HIVEP2: variants seen among roughly 807,000 people sequenced by gnomAD.
The protein encoded by HIVEP2 is transcription factor HIVEP2.
A neutral mutation model predicts 180.7 loss-of-function variants in HIVEP2; 14 were observed. The observed-to-expected ratio is 0.08, with a 90% confidence interval of 0.05 to 0.12. HIVEP2 has a LOEUF of 0.12. HIVEP2 is among the 10% of genes least tolerant of loss of function. HIVEP2 has a pLI of 1.00. For synonymous variants in HIVEP2, 1,184 were observed against 1,136.4 expected, an observed-to-expected ratio of 1.04 and a Z score of -0.84; for missense variants, 2,579 against 3,008.5, an observed-to-expected ratio of 0.86 and a Z score of 3.34.
chr6:142,775,849 A>G (rs907935980), intron 4 of HIVEP2, among the ~76,000 whole-genome samples: 2 of 151,100 alleles, frequency 1.3e-5, no homozygotes, highest in Admixed American at 1.3e-4. Flanking sequence ...AAAACCATAT[A>G]TATAGTTACA....
At chr6:142,757,431 C>T (rs1775104796) in intron 9 of HIVEP2, among the ~76,000 whole-genome samples, 2 of 152,138 alleles carry the variant, frequency 1.3e-5, no homozygotes, top group South Asian at 4.1e-4. Flanking sequence ...GAGGCCGAGG[C>T]AGGCGGATCA....
chr6:142,897,127 A>C (rs1777018334), intron 1 of HIVEP2, among the ~76,000 whole-genome samples: 1 of 150,638 alleles, frequency 6.6e-6, no homozygotes, highest in African/African-American at 2.5e-5. Flanking sequence ...TACAACAGCC[A>C]AAAAAAATAG....
At position 142,842,200 on chromosome 6, in the gene HIVEP2, A is replaced by G. The variant is rs1240879588; in HGVS notation, c.-640-5153T>C. On this transcript the variant is annotated intron_variant, in intron 1 of 9. Transcript: ENST00000367603. The stretch of plus-strand genomic sequence containing the variant: ...CCCACCATTGTCTCTTATTTCTGCT[A>G]TCTGTGAAACAGTTCTGAGTTCAAA... Among the ~76,000 whole-genome samples the G allele has an allele frequency of 2.6e-5, 4 of 152,176 alleles. No individual in the cohort carries two copies. In the East Asian group the frequency reaches 7.7e-4, roughly 29 times the overall value.
chr6:142,828,321 C>T (rs1015362256), intron 2 of HIVEP2, among the ~76,000 whole-genome samples: 2 of 152,144 alleles, frequency 1.3e-5, no homozygotes, highest in East Asian at 3.9e-4. Context: ...AAGTGTTTTC[C>T]CCCAATAAAC....
chr6:142,927,379 G>T (rs764558417), intron 1 of HIVEP2, among the ~76,000 whole-genome samples: 1 of 152,158 alleles, frequency 6.6e-6, no homozygotes, highest in Non-Finnish European at 1.5e-5. Context: ...CGTAAGTGTT[G>T]TTGCAGTTGT....
intron 2 of HIVEP2, among the ~76,000 whole-genome samples, chr6:142,806,268 T>TA (rs1393324205): frequency 6.6e-6 from 1 of 152,170 alleles, no homozygotes; most frequent in Non-Finnish European, 1.5e-5. Flanking sequence ...CCATAAATGA[T>TA]AGAGTGGAAA....
At position 142,769,684 on chromosome 6, in the gene HIVEP2, C is replaced by T; in HGVS notation, c.5055G>A (p.Leu1685=). The change falls in exon 5 of 10, where the codon TTG becomes TTA. Residue 1685 remains leucine, a synonymous_variant. Coordinates refer to ENST00000367603, the MANE Select transcript of HIVEP2 (RefSeq NM_006734.4). The part of the protein sequence containing the change: ...ISSCNPNPSG[L]NTKTTLALLR... ...GAAGAGCCAGCGTGGTCTTGGTGTT[C>T]AATCCTGATGGGTTTGGATTACAGG... is the stretch of plus-strand genomic sequence containing the variant. 1 of 1,614,150 alleles carries T rather than the reference C, an allele frequency of 6.2e-7. No homozygotes were observed. The highest frequency in any genetic ancestry group is 8.5e-7 in the Non-Finnish European group (1 of 1,180,030).
chr6:142,808,385 G>T (rs190957463), intron 2 of HIVEP2, among the ~76,000 whole-genome samples: 2 of 149,074 alleles, frequency 1.3e-5, no homozygotes, highest in Admixed American at 1.3e-4. Flanking sequence ...GGCAGGGATG[G>T]ATGGAAGGAG....
intron 1 of HIVEP2, among the ~76,000 whole-genome samples, chr6:142,859,874 G>GA (rs907411167): frequency 3.0e-5 from 4 of 132,946 alleles, no homozygotes; most frequent in Non-Finnish European, 6.6e-5. Flanking sequence ...GAAAGAAAAA[G>GA]AAAAAAAAGA....
At chr6:142,897,041 A>G (rs191737123) in intron 1 of HIVEP2, among the ~76,000 whole-genome samples, 1 of 152,320 alleles carries the variant, frequency 6.6e-6, no homozygotes, top group East Asian at 1.9e-4. Flanking sequence ...TTGTTTCAAT[A>G]TTGATGCTGA....
Position 142,861,673 on chromosome 6 carries a change from G to A in HIVEP2, c.-640-24626C>T, listed in dbSNP as rs966307760. Among the ~76,000 whole-genome samples the A allele has an allele frequency of 3.3e-5, 5 of 152,208 alleles. No individual in the cohort carries two copies. The South Asian group carries it at 6.2e-4, about 19-fold the overall frequency. On this transcript the variant is annotated intron_variant, in intron 1 of 9. Transcript: ENST00000367603. ...TTTCTTTCCAAATCATCAAGTAAAT[G>A]CCCTTAAAATTTGCCCTCTCCCTCC...
At chr6:142,793,656 C>CTTTCTTTCTTTCCTTCTTTCTTTT (rs1269273663) in intron 2 of HIVEP2, among the ~76,000 whole-genome samples, 1 of 77,334 alleles carries the variant, frequency 1.3e-5, no homozygotes, top group Admixed American at 1.6e-4. Context: ...TTCTTTCTTT[C>CTTTCTTTCTTTCCTTCTTTCTTTT]TTTTTTCTTT....
At chr6:142,824,008 T>C (rs2114840703) in intron 2 of HIVEP2, among the ~76,000 whole-genome samples, 1 of 152,326 alleles carries the variant, frequency 6.6e-6, no homozygotes, top group Admixed American at 6.5e-5. Context: ...AATAGCTTAA[T>C]TTAAAACATT....
chr6:142,944,431 A>C lies in HIVEP2; in HGVS notation c.-641+668T>G, dbSNP rs563296772. 5.2e-3 allele frequency among the ~76,000 whole-genome samples: 708 copies of C among 136,826 alleles called. 2 individuals are homozygous for C. Among genetic ancestry groups the C allele is most frequent in the Middle Eastern group, 7.1e-3 (2 of 280 alleles). The allele number at this position is 136,826 out of a possible 152,430, so 89.8% of individuals were successfully genotyped here. ...AGCACCCCCTCCCCCACACACCCAC[A>C]CACACACACACACACGCACACACCC... is the stretch of plus-strand genomic sequence containing the variant. On this transcript the variant is annotated intron_variant, in intron 1 of 9. Transcript: ENST00000367603.
At chr6:142,794,445 T>C (rs1776233117) in intron 2 of HIVEP2, among the ~76,000 whole-genome samples, 1 of 152,220 alleles carries the variant, frequency 6.6e-6, no homozygotes. Context: ...TCTCTGAATA[T>C]GTGCCTTTTC....
rs755030077 is a variant in HIVEP2 at position 142,771,535 on chromosome 6, C to G, written c.3204G>C (p.Thr1068=). ...TCTTCCTCTCCCTGGACGGTGATAC[C>G]GTGGAGGCTGCTGCTCCCGACACAG... The part of the protein sequence containing the change: ...HAPVSGAAAS[T]VSPSRERKKC... The change falls in exon 5 of 10, where the codon ACG becomes ACC. Residue 1068 remains threonine (T), a synonymous_variant. Coordinates refer to ENST00000367603, the MANE Select transcript of HIVEP2 (RefSeq NM_006734.4). The surrounding 1 kb of genome is among the most constrained non-coding windows in gnomAD (Gnocchi z 5.4). 10 of 1,613,772 alleles carry G rather than the reference C, an allele frequency of 6.2e-6. No homozygotes were observed. Among genetic ancestry groups the G allele is most frequent in the East Asian group, 2.2e-5 (1 of 44,896 alleles).
chr6:142,838,776 G>T (rs1393174805), intron 1 of HIVEP2, among the ~76,000 whole-genome samples: 2 of 152,020 alleles, frequency 1.3e-5, no homozygotes, highest in African/African-American at 4.8e-5. Flanking sequence ...ACTGACTTAC[G>T]CAAAAGTCTT....
chr6:142,942,834 T>A (rs1778213159), intron 1 of HIVEP2, among the ~76,000 whole-genome samples: 1 of 152,154 alleles, frequency 6.6e-6, no homozygotes. Flanking sequence ...CCACATAAAA[T>A]ACAGTCACTG....
In HIVEP2 at chr6:142,769,859, G is replaced by C. The variant is rs772827582; in HGVS notation, c.4880C>G (p.Thr1627Arg). ...GNVADSTLLL[T>R]DMADFQQILQ... ...AATCTGCTGGAAATCTGCCATGTCC[G>C]TGAGAAGAAGAGTTGAGTCTGCCAC... Residue 1627 changes from threonine (T) to arginine (R), a missense_variant, in exon 5 of 10, where the codon ACG becomes AGG. Physicochemically the swap from Thr to Arg is moderately conservative, Grantham distance 71. Around this residue, in one of 11 missense-constraint regions of HIVEP2, gnomAD observed 349 missense variants for 367.2 expected, o/e 0.95. Coordinates refer to ENST00000367603, the MANE Select transcript of HIVEP2 (RefSeq NM_006734.4). 1.8e-5 allele frequency: 29 copies of C among 1,614,030 alleles called. No individual in the cohort carries two copies. The highest frequency in any genetic ancestry group is 2.3e-5 in the Non-Finnish European group (27 of 1,180,040).
Sources: gnomAD v4.1 joint callset for allele counts (sites outside exome capture counted in the v4.1 genomes callset) on GRCh38, gnomAD v4.1.1 for gene constraint, gnomAD v4.1.1 regional missense constraint, Gnocchi (gnomAD v3.1) non-coding constraint, MANE v1.5 for transcripts, NCBI Gene and HGNC (gene_info 2026-07-23, HGNC 2026-07-21) for gene names.